SNX27: variants seen among roughly 807,000 people sequenced by gnomAD.
SNX27 encodes the protein sorting nexin 27.
SNX27 carries 22 observed loss-of-function variants against 71.6 expected under a neutral mutation model. The observed-to-expected ratio is 0.31, with a 90% CI of 0.22 to 0.44. The LOEUF is 0.44. Ranked by LOEUF, SNX27 falls within the 20% of genes least tolerant of loss-of-function variation. The pLI is 1.00. For missense variants in SNX27, 531 were observed against 698.6 expected (o/e 0.76, Z 2.70); for synonymous variants, 269 against 277.2 (o/e 0.97, Z 0.29).
At chr1:151,666,118 T>C in intron 6 of SNX27, 107 bp downstream of exon 6, 1 of 767,194 alleles carries the variant, frequency 1.3e-6, no homozygotes, top group South Asian at 1.9e-5. Flanking sequence ...TCATTAGAAC[T>C]GTCTCTAACA....
At chr1:151,652,060 G>A (rs1265322505) in intron 2 of SNX27, among the ~76,000 whole-genome samples, 4 of 152,160 alleles carry the variant, frequency 2.6e-5, no homozygotes, top group South Asian at 2.1e-4. Flanking sequence ...GTGTGGCGGC[G>A]CGAGCCTGCA....
Position 151,618,889 on chromosome 1 carries a change from T to TG in SNX27, c.311+6379dup, listed in dbSNP as rs552701020. 1.5e-3 allele frequency among the ~76,000 whole-genome samples: 228 copies of TG among 152,284 alleles called. 1 individual carries two copies. Among genetic ancestry groups the TG allele is most frequent in the South Asian group, 3.5e-3 (17 of 4,822 alleles). ...TCTTGGGCAATCCAGTAAGAGCCCA[T>TG]GGATGGGTTGGTACAGTTCAGCCCA... is the stretch of plus-strand genomic sequence containing the variant. On this transcript the variant is annotated intron_variant, in intron 1 of 11. Coordinates refer to ENST00000458013, the MANE Select transcript of SNX27 (RefSeq NM_001330723.2).
intron 7 of SNX27, among the ~76,000 whole-genome samples, chr1:151,675,628 C>A (rs2102707631): frequency 6.6e-6 from 1 of 151,704 alleles, no homozygotes; most frequent in East Asian, 1.9e-4. Context: ...CTCCAGCAAT[C>A]CTCCCACCTC....
chr1:151,648,533 C>T (rs978846691), intron 2 of SNX27, among the ~76,000 whole-genome samples: 3 of 151,784 alleles, frequency 2.0e-5, no homozygotes, highest in Non-Finnish European at 2.9e-5. Context: ...AATTCTTCTG[C>T]CTCAGCCTCC....
At chr1:151,672,401 C>T (rs1001247563) in intron 7 of SNX27, among the ~76,000 whole-genome samples, 1 of 151,906 alleles carries the variant, frequency 6.6e-6, no homozygotes, top group African/African-American at 2.4e-5. Flanking sequence ...TTGCTAATAT[C>T]TTGTTGAGGA....
chr1:151,660,834 T>C lies in SNX27; in HGVS notation c.773T>C (p.Met258Thr). 2 of 1,613,008 alleles carry C rather than the reference T, an allele frequency of 1.2e-6. No homozygotes were observed. The highest frequency in any genetic ancestry group is 1.7e-6 in the Non-Finnish European group (2 of 1,179,052). ...CGAGTAATTGGTGAGAGTGACATCA[T>C]GCAGGAATTCCTATCAGAATCCGAT... ...SIRVIGESDI[M>T]QEFLSESDEN... Residue 258 changes from methionine (M) to threonine (T), a missense_variant, in exon 4 of 12, where the codon ATG becomes ACG. By Grantham distance (81) the Met-to-Thr change is moderately conservative. Transcript: ENST00000458013.
In SNX27 at chr1:151,640,561, G is replaced by A. The variant is rs929146585; in HGVS notation, c.543+1442G>A. On this transcript the variant is annotated intron_variant, in intron 2 of 11. Transcript: ENST00000458013. The stretch of plus-strand genomic sequence containing the variant: ...TGCTAAGTTTTGTATTTTTAGTAGA[G>A]ATGGTGTTTCACCATGTTGGCCAGG... Among the ~76,000 whole-genome samples the A allele has an allele frequency of 2.0e-5, 3 of 151,990 alleles. No homozygotes were observed. In the East Asian group the frequency reaches 5.8e-4, roughly 29 times the overall value.
At chr1:151,670,230 C>T (rs1164339664) in intron 7 of SNX27, among the ~76,000 whole-genome samples, 1 of 152,098 alleles carries the variant, frequency 6.6e-6, no homozygotes, top group Non-Finnish European at 1.5e-5. Context: ...GACTCTCATT[C>T]TTTTTTTATG....
chr1:151,655,127 C>A (rs1206901305), intron 2 of SNX27, among the ~76,000 whole-genome samples: 2 of 151,508 alleles, frequency 1.3e-5, no homozygotes, highest in Non-Finnish European at 2.9e-5. Flanking sequence ...TTTCTCCTGG[C>A]ATACAGTTAA....
chr1:151,644,813 TTTTG>T (rs1031275182), intron 2 of SNX27, among the ~76,000 whole-genome samples: 7 of 152,120 alleles, frequency 4.6e-5, no homozygotes, highest in Non-Finnish European at 7.4e-5. Context: ...GTCAAGGTTT[TTTTG>T]TTTGTTTGTT....
At chr1:151,619,560 C>G (rs1667577418) in intron 1 of SNX27, among the ~76,000 whole-genome samples, 1 of 152,054 alleles carries the variant, frequency 6.6e-6, no homozygotes, top group African/African-American at 2.4e-5. Flanking sequence ...CTCGGCTTCC[C>G]AAAGTGCTGG....
At chr1:151,640,511 A>C (rs1260797169) in intron 2 of SNX27, among the ~76,000 whole-genome samples, 1 of 152,068 alleles carries the variant, frequency 6.6e-6, no homozygotes, top group Non-Finnish European at 1.5e-5. Flanking sequence ...AGTAGCTGGG[A>C]TTACAGGTGC....
chr1:151,689,669 C>A (rs1157584189), intron 8 of SNX27, among the ~76,000 whole-genome samples: 1 of 152,176 alleles, frequency 6.6e-6, no homozygotes, highest in Non-Finnish European at 1.5e-5. Flanking sequence ...GTACTAGTTT[C>A]AAGGGTCAAC....
chr1:151,625,077 C>CT (rs1015513030), intron 1 of SNX27, among the ~76,000 whole-genome samples: 13 of 152,152 alleles, frequency 8.5e-5, no homozygotes, highest in Non-Finnish European at 1.8e-4. Context: ...GTTATTTATT[C>CT]TTTTTTTTCC....
chr1:151,630,915 C>G (rs927186560), intron 1 of SNX27, among the ~76,000 whole-genome samples: 6 of 152,120 alleles, frequency 3.9e-5, no homozygotes, highest in African/African-American at 1.2e-4. Flanking sequence ...GCCTGTAGTT[C>G]CAGCTACTCG....
At chr1:151,683,729 C>T (rs896389235) in intron 8 of SNX27, among the ~76,000 whole-genome samples, 5 of 152,220 alleles carry the variant, frequency 3.3e-5, no homozygotes, top group South Asian at 2.1e-4. Context: ...TGCAGTGTCG[C>T]GATCTAGGCT....
intron 8 of SNX27, among the ~76,000 whole-genome samples, chr1:151,687,050 A>G (rs954478758): frequency 6.6e-6 from 1 of 152,248 alleles, no homozygotes; most frequent in Admixed American, 6.5e-5. Context: ...ACTTACTTAC[A>G]AAGTTAGACT....
intron 2 of SNX27, among the ~76,000 whole-genome samples, chr1:151,657,758 C>T (rs148958643): frequency 5.3e-5 from 8 of 151,998 alleles, no homozygotes; most frequent in Middle Eastern, 3.4e-3. Context: ...CTGCTGGGTG[C>T]GGTGGTTCAA....
At chr1:151,630,241 AG>A (rs1300046616) in intron 1 of SNX27, among the ~76,000 whole-genome samples, 1 of 152,136 alleles carries the variant, frequency 6.6e-6, no homozygotes, top group Non-Finnish European at 1.5e-5. Context: ...TCATTGCCTT[AG>A]GATAAATTCT....
Sources: allele counts gnomAD v4.1 joint callset (sites outside exome capture counted in the v4.1 genomes callset), GRCh38; gene constraint gnomAD v4.1.1; transcripts MANE v1.5; gene names NCBI Gene and HGNC (gene_info 2026-07-23, HGNC 2026-07-21).